The following ESRRG variants were observed in gnomAD, a reference collection of about 807,000 sequenced individuals.
The protein encoded by ESRRG is estrogen related receptor gamma, also known as estrogen-related receptor gamma.
ESRRG carries 13 observed loss-of-function variants against 44.0 expected under a neutral mutation model. The ratio of observed to expected loss-of-function variants is 0.30; its 90% CI spans 0.19 to 0.47. The LOEUF is 0.47. Ranked by LOEUF, ESRRG falls within the 20% of genes least tolerant of loss-of-function variation. ESRRG has a pLI of 1.00. For missense variants in ESRRG, 395 were observed against 580.6 expected (o/e 0.68, Z 3.29); for synonymous variants, 215 against 214.6 (o/e 1.00, Z -0.02).
At chr1:216,610,371 T>A (rs74547360) in intron 3 of ESRRG, among the ~76,000 whole-genome samples, 2,858 of 152,290 alleles carry the variant, frequency 0.019, 93 homozygotes, top group African/African-American at 0.065. Context: ...CCCCATATCC[T>A]TAATAGGCTA....
chr1:217,022,242 AG>A (rs2080440257), intron 1 of ESRRG, among the ~76,000 whole-genome samples: 1 of 152,200 alleles, frequency 6.6e-6, no homozygotes, highest in South Asian at 2.1e-4. Context: ...TTTGCTGCAA[AG>A]CATCCCAGCT....
intron 2 of ESRRG, among the ~76,000 whole-genome samples, chr1:216,786,559 C>T (rs1336765946): frequency 6.6e-6 from 1 of 152,076 alleles, no homozygotes; most frequent in East Asian, 1.9e-4. Context: ...CAAACTCCTA[C>T]ATAAGATAAT....
chr1:217,084,327 TGTTA>T (rs1338749621), intron 1 of ESRRG, among the ~76,000 whole-genome samples: 1 of 152,206 alleles, frequency 6.6e-6, no homozygotes, highest in Non-Finnish European at 1.5e-5. Context: ...ACTATACAAA[TGTTA>T]GTTATTCTTG....
chr1:216,663,193 T>C (rs17626555), intron 2 of ESRRG, among the ~76,000 whole-genome samples: 5,803 of 152,148 alleles, frequency 0.038, 158 homozygotes, highest in Admixed American at 0.054. Flanking sequence ...TGGGGCACAG[T>C]GAGGTTTTTC....
chr1:217,040,602 T>G (rs542847009), intron 1 of ESRRG, among the ~76,000 whole-genome samples: 1 of 152,082 alleles, frequency 6.6e-6, no homozygotes, highest in African/African-American at 2.4e-5. Flanking sequence ...TTCAAGATTT[T>G]TCTATTAAAA....
At position 216,717,389 on chromosome 1, in the gene ESRRG, G is replaced by A. The variant is rs146390792; in HGVS notation, c.56+5855C>T. 2.8e-3 allele frequency among the ~76,000 whole-genome samples: 430 copies of A among 151,860 alleles called. 3 individuals carry two copies. Among genetic ancestry groups the A allele is most frequent in the Middle Eastern group, 6.8e-3 (2 of 294 alleles). On this transcript the variant is annotated intron_variant, in intron 1 of 6. Transcript: ENST00000408911. ...GTTTCCTAGACCTTACAAAGTACAA[G>A]ACTAAAAATGAACTTGAAACAAGAA...
intron 1 of ESRRG, among the ~76,000 whole-genome samples, chr1:216,696,980 T>C (rs1485298570): frequency 6.6e-6 from 1 of 152,072 alleles, no homozygotes; most frequent in African/African-American, 2.4e-5. Flanking sequence ...CTTTTTTTTT[T>C]TTTGAGACAG....
intron 1 of ESRRG, among the ~76,000 whole-genome samples, chr1:217,102,884 C>G (rs1390976871): frequency 6.6e-6 from 1 of 151,890 alleles, no homozygotes; most frequent in Non-Finnish European, 1.5e-5. Flanking sequence ...AAGAATGGGT[C>G]AAAGAAGGCT....
intron 3 of ESRRG, among the ~76,000 whole-genome samples, chr1:216,576,768 G>T (rs139489213): frequency 6.6e-6 from 1 of 151,954 alleles, no homozygotes; most frequent in South Asian, 2.1e-4. Context: ...CAGGGGTAAG[G>T]TTGCTTCATC....
intron 2 of ESRRG, among the ~76,000 whole-genome samples, chr1:216,749,436 GA>G (rs1251018024): frequency 6.6e-6 from 1 of 152,154 alleles, no homozygotes; most frequent in Non-Finnish European, 1.5e-5. Flanking sequence ...CAACAAGCGC[GA>G]TAGGGAATAC....
At chr1:217,094,116 C>T (rs2092390889), upstream of ESRRG, among the ~76,000 whole-genome samples, 1 of 152,096 alleles carries the variant, frequency 6.6e-6, no homozygotes, top group Non-Finnish European at 1.5e-5. Flanking sequence ...AACTCCTGGC[C>T]TCAGGCAATC....
chr1:216,845,829 C>G (rs1280830301), intron 2 of ESRRG, among the ~76,000 whole-genome samples: 1 of 152,060 alleles, frequency 6.6e-6, no homozygotes, highest in African/African-American at 2.4e-5. Flanking sequence ...CATCAGCTGG[C>G]AATAATAATG....
intron 2 of ESRRG, among the ~76,000 whole-genome samples, chr1:216,669,102 TA>T (rs72240136): frequency 1.6e-4 from 24 of 148,016 alleles, no homozygotes; most frequent in African/African-American, 4.2e-4. Flanking sequence ...TTAAACAGCT[TA>T]AAAAAAAAAC....
chr1:216,575,557 A>G (rs939752485), intron 3 of ESRRG, among the ~76,000 whole-genome samples: 1 of 152,140 alleles, frequency 6.6e-6, no homozygotes, highest in Non-Finnish European at 1.5e-5. Context: ...GACTTAATGC[A>G]TATTAACACA....
At chr1:216,983,333 G>C (rs1461970842) in intron 1 of ESRRG, among the ~76,000 whole-genome samples, 3 of 151,906 alleles carry the variant, frequency 2.0e-5, no homozygotes, top group Admixed American at 2.0e-4. Flanking sequence ...CTGGGCTCAA[G>C]TGATCCTCTG....
intron 2 of ESRRG, among the ~76,000 whole-genome samples, chr1:216,791,916 T>G (rs2094331944): frequency 6.6e-6 from 1 of 152,140 alleles, no homozygotes; most frequent in Admixed American, 6.6e-5. Context: ...AACCAACCCT[T>G]CCTTTTTTTC....
chr1:216,755,266 G>C (rs971013001), intron 2 of ESRRG, among the ~76,000 whole-genome samples: 1 of 151,762 alleles, frequency 6.6e-6, no homozygotes, highest in African/African-American at 2.4e-5. Flanking sequence ...ATTCCTCCCA[G>C]AGTGGTAGCA....
intron 1 of ESRRG, among the ~76,000 whole-genome samples, chr1:216,942,821 T>A (rs1013494801): frequency 6.6e-6 from 1 of 152,210 alleles, no homozygotes; most frequent in Non-Finnish European, 1.5e-5. Context: ...TAGTCCTTTG[T>A]AGTATGCATA....
Position 216,564,259 on chromosome 1 carries a change from T to A in ESRRG, c.822A>T (p.Arg274=), listed in dbSNP as rs139709396. ...CCCATCCAATGATAACCACCAACTC[T>A]CGGTCGGCCAAGTCACACAGTGTAG... The part of the protein sequence containing the change: ...ALTTLCDLAD[R]ELVVIIGWAK... The change falls in exon 5 of 7, where the codon CGA becomes CGT. Residue 274 remains arginine (R), a synonymous_variant. Coordinates refer to ENST00000408911, the MANE Select transcript of ESRRG (RefSeq NM_001438.4). 232 of 1,587,310 alleles carry A rather than the reference T, an allele frequency of 1.5e-4. No homozygotes were observed. The highest frequency in any genetic ancestry group is 1.9e-4 in the Non-Finnish European group (223 of 1,167,474).
Sources: gnomAD v4.1 joint callset for allele counts (sites outside exome capture counted in the v4.1 genomes callset) on GRCh38, gnomAD v4.1.1 for gene constraint, MANE v1.5 for transcripts, NCBI Gene and HGNC (gene_info 2026-07-23, HGNC 2026-07-21) for gene names.